Variants in TTC27 observed in about 807,000 individuals in gnomAD.
TTC27 encodes the protein tetratricopeptide repeat domain 27, also known as tetratricopeptide repeat protein 27.
In TTC27, 79 loss-of-function variants were observed where a neutral mutation model predicts 115.9. That is an observed-to-expected ratio of 0.68 (90% CI 0.57 to 0.82). The LOEUF is 0.82. Ranked by LOEUF, TTC27 falls within the 40% of genes least tolerant of loss-of-function variation. TTC27 has a pLI of 0.00. For missense variants in TTC27, 1,054 were observed against 993.1 expected (o/e 1.06, Z -0.82); for synonymous variants, 401 against 356.0 (o/e 1.13, Z -1.42).
intron 9 of TTC27, among the ~76,000 whole-genome samples, chr2:32,680,006 C>A (rs1666363201): frequency 6.6e-6 from 1 of 152,016 alleles, no homozygotes; most frequent in South Asian, 2.1e-4. Flanking sequence ...AAACAAAACA[C>A]AACAAAACAA....
chr2:32,731,810 G>C (rs1046687797), intron 10 of TTC27, among the ~76,000 whole-genome samples: 1 of 152,132 alleles, frequency 6.6e-6, no homozygotes, highest in Non-Finnish European at 1.5e-5. Context: ...TCCGAGAGTT[G>C]TAAGAGACAC....
chr2:32,733,549 G>T (rs1046175746), intron 10 of TTC27, among the ~76,000 whole-genome samples: 14 of 152,118 alleles, frequency 9.2e-5, no homozygotes, highest in African/African-American at 2.9e-4. Context: ...AAGTAAAAAG[G>T]CTTATCAATA....
intron 11 of TTC27, among the ~76,000 whole-genome samples, chr2:32,734,999 G>T (rs977472791): frequency 6.6e-6 from 1 of 152,152 alleles, no homozygotes; most frequent in African/African-American, 2.4e-5. Context: ...GATTACAGAT[G>T]ATTTATCTAC....
At chr2:32,672,845 T>A (rs189693836) in intron 8 of TTC27, among the ~76,000 whole-genome samples, 20 of 152,318 alleles carry the variant, frequency 1.3e-4, no homozygotes, top group Admixed American at 5.2e-4. Context: ...TAAGAATAAG[T>A]TTCCAAGATG....
At chr2:32,661,165 ACTGTAGC>A (rs1462760934) in intron 5 of TTC27, among the ~76,000 whole-genome samples, 9 of 152,212 alleles carry the variant, frequency 5.9e-5, no homozygotes, top group Non-Finnish European at 1.3e-4. Flanking sequence ...TGTTTTGGTT[ACTGTAGC>A]CTTGCAGTAT....
intron 4 of TTC27, among the ~76,000 whole-genome samples, chr2:32,648,771 G>A (rs1477570770): frequency 6.6e-6 from 1 of 152,182 alleles, no homozygotes; most frequent in Non-Finnish European, 1.5e-5. Flanking sequence ...AGCACTTTGG[G>A]AGGCCAAGGT....
chr2:32,645,388 C>G (rs948623852), intron 4 of TTC27, among the ~76,000 whole-genome samples: 3 of 152,166 alleles, frequency 2.0e-5, no homozygotes, highest in African/African-American at 7.2e-5. Flanking sequence ...CTACTGCTCC[C>G]TGCTGTCTGG....
chr2:32,700,193 C>T (rs888242804), intron 9 of TTC27, among the ~76,000 whole-genome samples: 1 of 152,148 alleles, frequency 6.6e-6, no homozygotes, highest in Non-Finnish European at 1.5e-5. Flanking sequence ...CTCATAGGCT[C>T]CATTAAGCTT....
At chr2:32,657,974 C>T (rs1050370595) in intron 5 of TTC27, among the ~76,000 whole-genome samples, 7 of 152,066 alleles carry the variant, frequency 4.6e-5, no homozygotes, top group East Asian at 1.9e-4. Flanking sequence ...GCATTACAGG[C>T]GCGTGCCAGC....
chr2:32,642,516 G>A (rs1206775775), intron 4 of TTC27, among the ~76,000 whole-genome samples: 1 of 152,058 alleles, frequency 6.6e-6, no homozygotes, highest in East Asian at 1.9e-4. Flanking sequence ...GCCTCCCAAA[G>A]TGCTGGGATC....
chr2:32,728,332 C>T (rs746900778), intron 10 of TTC27, among the ~76,000 whole-genome samples: 15 of 152,118 alleles, frequency 9.9e-5, no homozygotes, highest in South Asian at 4.1e-4. Flanking sequence ...TGAACCACCG[C>T]GCCCGGCCAG....
chr2:32,727,849 G>A (rs1668160511), intron 10 of TTC27, among the ~76,000 whole-genome samples: 1 of 151,738 alleles, frequency 6.6e-6, no homozygotes, highest in Non-Finnish European at 1.5e-5. Context: ...AAATTTTCCT[G>A]TTTTTATTTC....
At chr2:32,660,583 G>T (rs1048976358) in intron 5 of TTC27, among the ~76,000 whole-genome samples, 6 of 152,024 alleles carry the variant, frequency 3.9e-5, no homozygotes, top group African/African-American at 9.7e-5. Context: ...AACATCATGG[G>T]GGGTGGGGGA....
intron 8 of TTC27, among the ~76,000 whole-genome samples, chr2:32,674,148 CTTG>C (rs1336566345): frequency 6.6e-6 from 1 of 151,220 alleles, no homozygotes; most frequent in Non-Finnish European, 1.5e-5. Context: ...TTGAAAAAAT[CTTG>C]TTCTTTTTTT....
chr2:32,668,860 A>G (rs1017967590), intron 7 of TTC27, among the ~76,000 whole-genome samples: 2 of 151,880 alleles, frequency 1.3e-5, no homozygotes, highest in African/African-American at 4.8e-5. Flanking sequence ...TGGACGGATC[A>G]TGAGGTCAGG....
intron 9 of TTC27, among the ~76,000 whole-genome samples, chr2:32,684,072 T>G (rs1294695676): frequency 6.6e-6 from 1 of 152,048 alleles, no homozygotes; most frequent in East Asian, 1.9e-4. Context: ...GCAGGATAAT[T>G]GCTTGAACCC....
At chr2:32,761,608 A>G (rs1368106921) in intron 13 of TTC27, among the ~76,000 whole-genome samples, 2 of 151,956 alleles carry the variant, frequency 1.3e-5, no homozygotes, top group African/African-American at 2.4e-5. Flanking sequence ...TTCCTGCCTC[A>G]GGGTCTTCCT....
At chr2:32,763,380 C>G (rs1669512788) in intron 13 of TTC27, among the ~76,000 whole-genome samples, 1 of 152,178 alleles carries the variant, frequency 6.6e-6, no homozygotes, top group Admixed American at 6.5e-5. Flanking sequence ...TAAAAAAATT[C>G]TATCCTCTTT....
intron 8 of TTC27, among the ~76,000 whole-genome samples, chr2:32,677,178 C>G (rs1332415534): frequency 3.9e-5 from 6 of 152,096 alleles, no homozygotes; most frequent in Non-Finnish European, 8.8e-5. Flanking sequence ...CTTGTTTTCT[C>G]TCATTATTGT....
Sources: gnomAD v4.1 joint callset for allele counts (sites outside exome capture counted in the v4.1 genomes callset) on GRCh38, gnomAD v4.1.1 for gene constraint, MANE v1.5 for transcripts, NCBI Gene and HGNC (gene_info 2026-07-23, HGNC 2026-07-21) for gene names.